RALYL: variants seen among roughly 807,000 people sequenced by gnomAD.
RALYL encodes the protein RALY RNA binding protein like, also known as RNA-binding Raly-like protein.
Under a neutral mutation model 35.1 loss-of-function variants are expected in RALYL, and 29 were observed. The ratio of observed to expected loss-of-function variants is 0.83; its 90% confidence interval spans 0.61 to 1.13. RALYL has a LOEUF of 1.13. RALYL is among the 50% of genes most tolerant of loss of function. The probability of loss-of-function intolerance (pLI) is 0.00; values close to 1 mark genes in which losing one functional copy is unlikely to be tolerated. For synonymous variants in RALYL, 120 were observed against 127.6 expected (o/e 0.94, Z 0.40); for missense variants, 359 against 360.4 (o/e 1.00, Z 0.03).
chr8:84,435,245 G>A (rs1587232172), intron 1 of RALYL, among the ~76,000 whole-genome samples: 1 of 152,106 alleles, frequency 6.6e-6, no homozygotes, highest in African/African-American at 2.4e-5. Flanking sequence ...AGAATTCATA[G>A]CTATATGTAA....
chr8:84,482,015 C>G (rs2054097152), intron 1 of RALYL, among the ~76,000 whole-genome samples: 1 of 152,020 alleles, frequency 6.6e-6, no homozygotes, highest in African/African-American at 2.4e-5. Flanking sequence ...AAGAAAGGAA[C>G]TTTGCAAGAA....
chr8:84,495,109 G>T (rs1261248707), intron 1 of RALYL, among the ~76,000 whole-genome samples: 3 of 152,088 alleles, frequency 2.0e-5, no homozygotes, highest in African/African-American at 7.2e-5. Flanking sequence ...AATGTGAAGG[G>T]ATGTTGAATT....
At chr8:84,342,292 AT>A (rs1848971482) in intron 1 of RALYL, among the ~76,000 whole-genome samples, 3 of 123,182 alleles carry the variant, frequency 2.4e-5, no homozygotes, top group African/African-American at 6.6e-5. Context: ...ATATATATAT[AT>A]ATAAAACTCA....
intron 1 of RALYL, among the ~76,000 whole-genome samples, chr8:84,223,607 AT>A (rs1465646411): frequency 6.6e-6 from 1 of 152,162 alleles, no homozygotes; most frequent in Non-Finnish European, 1.5e-5. Flanking sequence ...ACAATGCAGC[AT>A]TTTCTCTAGT....
intron 1 of RALYL, among the ~76,000 whole-genome samples, chr8:84,311,671 T>C (rs112829606): frequency 0.017 from 2,575 of 152,274 alleles, 72 homozygotes; most frequent in African/African-American, 0.059. Flanking sequence ...TAGTACCTTA[T>C]GTCATGATTT....
At chr8:84,503,730 T>A (rs2134265722) in intron 1 of RALYL, among the ~76,000 whole-genome samples, 1 of 151,846 alleles carries the variant, frequency 6.6e-6, no homozygotes, top group Admixed American at 6.6e-5. Context: ...GTGCCTATAA[T>A]CCCACCTACT....
intron 1 of RALYL, among the ~76,000 whole-genome samples, chr8:84,189,922 C>G (rs947632908): frequency 1.3e-5 from 2 of 152,170 alleles, no homozygotes; most frequent in African/African-American, 4.8e-5. Context: ...GTGACCATGT[C>G]ATCACACATC....
At chr8:84,678,163 A>G (rs1287005651) in intron 2 of RALYL, among the ~76,000 whole-genome samples, 3 of 152,174 alleles carry the variant, frequency 2.0e-5, no homozygotes, top group Non-Finnish European at 4.4e-5. Flanking sequence ...ATGGGAATGG[A>G]CAACTCTTGA....
chr8:84,611,781 C>A (rs1272005647), intron 2 of RALYL, among the ~76,000 whole-genome samples: 1 of 152,070 alleles, frequency 6.6e-6, no homozygotes, highest in Non-Finnish European at 1.5e-5. Flanking sequence ...ATCATTGTAT[C>A]TCCACTTTCC....
At chr8:84,595,119 A>G (rs1280507198) in intron 2 of RALYL, among the ~76,000 whole-genome samples, 2 of 152,148 alleles carry the variant, frequency 1.3e-5, no homozygotes, top group Non-Finnish European at 2.9e-5. Flanking sequence ...CCCTTAGAAC[A>G]TAATATATGC....
chr8:84,813,969 A>T (rs1280159810), intron 4 of RALYL, among the ~76,000 whole-genome samples: 1 of 138,850 alleles, frequency 7.2e-6, no homozygotes, highest in Non-Finnish European at 1.5e-5. Flanking sequence ...CTCATTGTTC[A>T]ATTCCCACCT....
chr8:84,469,492 C>T (rs1459208033), intron 1 of RALYL, among the ~76,000 whole-genome samples: 1 of 152,198 alleles, frequency 6.6e-6, no homozygotes, highest in African/African-American at 2.4e-5. Context: ...AGGAGGCAGT[C>T]TGCCCGTCCT....
chr8:84,248,013 G>A (rs1011903490), intron 1 of RALYL, among the ~76,000 whole-genome samples: 1 of 152,070 alleles, frequency 6.6e-6, no homozygotes, highest in Admixed American at 6.6e-5. Flanking sequence ...TTGTGCTTAA[G>A]TTTACTAAAC....
chr8:84,634,787 G>A (rs1362828784), intron 2 of RALYL, among the ~76,000 whole-genome samples: 1 of 151,674 alleles, frequency 6.6e-6, no homozygotes, highest in Non-Finnish European at 1.5e-5. Context: ...AGGAGTTGGA[G>A]GAGGTCAACA....
At chr8:84,253,955 T>C (rs1830734195) in intron 1 of RALYL, among the ~76,000 whole-genome samples, 1 of 152,146 alleles carries the variant, frequency 6.6e-6, no homozygotes, top group African/African-American at 2.4e-5. Flanking sequence ...TGTTGCTGAA[T>C]AGCTGAAAAT....
intron 1 of RALYL, among the ~76,000 whole-genome samples, chr8:84,486,152 ATTG>A (rs2054597190): frequency 6.6e-6 from 1 of 150,684 alleles, no homozygotes; most frequent in African/African-American, 2.4e-5. Flanking sequence ...ACATTGGATT[ATTG>A]TTTAGAACTT....
At chr8:84,911,291 C>T (rs1847470619) in intron 8 of RALYL, among the ~76,000 whole-genome samples, 2 of 152,010 alleles carry the variant, frequency 1.3e-5, no homozygotes, top group Non-Finnish European at 2.9e-5. Flanking sequence ...TTTTTTATTC[C>T]TATGCAAGAT....
chr8:84,444,247 T>G (rs191419294), intron 1 of RALYL, among the ~76,000 whole-genome samples: 1 of 152,142 alleles, frequency 6.6e-6, no homozygotes, highest in East Asian at 1.9e-4. Flanking sequence ...GAGGATCCCT[T>G]GAGTCCAGGA....
At chr8:84,339,501 G>A (rs1266499474) in intron 1 of RALYL, among the ~76,000 whole-genome samples, 2 of 151,658 alleles carry the variant, frequency 1.3e-5, no homozygotes, top group Non-Finnish European at 2.9e-5. Context: ...TCTAGTTGCA[G>A]GAAAACAAGC....
Sources: gnomAD v4.1 joint callset for allele counts (sites outside exome capture counted in the v4.1 genomes callset) on GRCh38, gnomAD v4.1.1 for gene constraint, MANE v1.5 for transcripts, NCBI Gene and HGNC (gene_info 2026-07-23, HGNC 2026-07-21) for gene names.